The following PARD3 variants were observed in gnomAD, a reference collection of about 807,000 sequenced individuals.
PARD3 encodes the protein partitioning defective 3 homolog.
In PARD3, 75 loss-of-function variants were observed where a neutral mutation model predicts 155.4. The observed-to-expected ratio is 0.48, with a 90% CI of 0.40 to 0.58. PARD3 has a LOEUF of 0.58. PARD3 is among the 20% of genes least tolerant of loss of function. The pLI, the probability that PARD3 is intolerant of heterozygous loss-of-function variation, is 0.00. For missense variants in PARD3, 1,642 were observed against 1,721.7 expected (o/e 0.95, Z 0.82); for synonymous variants, 576 against 610.5 (o/e 0.94, Z 0.83).
intron 22 of PARD3, among the ~76,000 whole-genome samples, chr10:34,216,034 C>T (rs1951987312): frequency 6.6e-6 from 1 of 152,114 alleles, no homozygotes; most frequent in Admixed American, 6.6e-5. Flanking sequence ...AAGAGAGTAG[C>T]TGACTGAATC....
At chr10:34,725,105 T>TTGTGTGTGTGTGTGTGTG (rs71033342) in intron 1 of PARD3, among the ~76,000 whole-genome samples, 2 of 135,882 alleles carry the variant, frequency 1.5e-5, no homozygotes, top group African/African-American at 5.6e-5. Flanking sequence ...AGTCAAAACT[T>TTGTGTGTGTGTGTGTGTG]TGTGTGTGTG....
At chr10:34,523,778 C>A (rs895562732) in intron 2 of PARD3, among the ~76,000 whole-genome samples, 1 of 152,144 alleles carries the variant, frequency 6.6e-6, no homozygotes, top group Non-Finnish European at 1.5e-5. Context: ...GTTGGAGATA[C>A]ATGCATTTTT....
chr10:34,680,840 G>T (rs535068797), intron 2 of PARD3, among the ~76,000 whole-genome samples: 1 of 119,184 alleles, frequency 8.4e-6, no homozygotes, highest in Admixed American at 9.2e-5. Flanking sequence ...GTGGTGGGGT[G>T]GGGGGAGGGG....
intron 22 of PARD3, among the ~76,000 whole-genome samples, chr10:34,164,733 T>G (rs1949441694): frequency 6.6e-6 from 1 of 152,228 alleles, no homozygotes; most frequent in South Asian, 2.1e-4. Flanking sequence ...CTGAATTGTA[T>G]GTAAAGTTGT....
intron 22 of PARD3, among the ~76,000 whole-genome samples, chr10:34,200,422 G>C (rs1588727592): frequency 6.6e-6 from 1 of 152,154 alleles, no homozygotes; most frequent in African/African-American, 2.4e-5. Flanking sequence ...GCCAAAGACT[G>C]AAGAGTTAAC....
At chr10:34,773,618 G>A (rs974644520) in intron 1 of PARD3, among the ~76,000 whole-genome samples, 13 of 152,150 alleles carry the variant, frequency 8.5e-5, no homozygotes, top group East Asian at 7.7e-4. Flanking sequence ...ACTTTGCAGC[G>A]TCAGGTATGT....
chr10:34,470,081 T>A lies in PARD3; in HGVS notation c.582+4A>T. The A allele has an allele frequency of 6.3e-7, 1 of 1,588,926 alleles. No homozygotes were observed. Among genetic ancestry groups the A allele is most frequent in the Non-Finnish European group, 8.6e-7 (1 of 1,166,906 alleles). The stretch of plus-strand genomic sequence containing the variant: ...GACAGCAGCAAACAAGCAGAGGTGG[T>A]TACCTTCCTGTCGCAGGTTTTAGGA... On this transcript the variant is annotated splice_donor_region_variant and intron_variant, in intron 4 of 24. Coordinates refer to ENST00000374788, the MANE Select transcript of PARD3 (RefSeq NM_001184785.2).
At chr10:34,114,981 A>G (rs1231170203) in intron 24 of PARD3, among the ~76,000 whole-genome samples, 1 of 151,738 alleles carries the variant, frequency 6.6e-6, no homozygotes, top group Non-Finnish European at 1.5e-5. Flanking sequence ...GGCAATAACT[A>G]TCACCTAAAG....
chr10:34,156,557 A>T (rs1038129078), intron 22 of PARD3, among the ~76,000 whole-genome samples: 2 of 152,222 alleles, frequency 1.3e-5, no homozygotes, highest in Non-Finnish European at 1.5e-5. Flanking sequence ...AGGAGGTAAG[A>T]ACTTAAAAGG....
chr10:34,168,027 G>T (rs758973833), intron 22 of PARD3, among the ~76,000 whole-genome samples: 1 of 150,910 alleles, frequency 6.6e-6, no homozygotes, highest in Admixed American at 6.6e-5. Context: ...AGCAAAGGTC[G>T]TGTCATAGTA....
chr10:34,657,749 A>G (rs1170139865), intron 2 of PARD3, among the ~76,000 whole-genome samples: 1 of 151,870 alleles, frequency 6.6e-6, no homozygotes, highest in African/African-American at 2.4e-5. Context: ...ATGTTGGCCA[A>G]GCTGGTCTCA....
chr10:34,796,089 T>C (rs534387783), intron 1 of PARD3, among the ~76,000 whole-genome samples: 2 of 152,292 alleles, frequency 1.3e-5, no homozygotes, highest in East Asian at 3.9e-4. Context: ...TAAATTCCCA[T>C]GCTAATCTAA....
At chr10:34,527,494 TG>T (rs1460760334) in intron 2 of PARD3, among the ~76,000 whole-genome samples, 1 of 151,656 alleles carries the variant, frequency 6.6e-6, no homozygotes, top group Non-Finnish European at 1.5e-5. Context: ...TGGGCTGGAG[TG>T]GGGAGGGTAG....
chr10:34,174,131 G>A (rs565894829), intron 22 of PARD3, among the ~76,000 whole-genome samples: 7 of 152,282 alleles, frequency 4.6e-5, no homozygotes, highest in Admixed American at 3.3e-4. Flanking sequence ...TGCTTCATTA[G>A]GAAAATGTAC....
chr10:34,779,939 A>C (rs1840055665), intron 1 of PARD3, among the ~76,000 whole-genome samples: 1 of 152,216 alleles, frequency 6.6e-6, no homozygotes, highest in Non-Finnish European at 1.5e-5. Context: ...TTCTAGCTGT[A>C]GATCTAAATG....
At chr10:34,694,814 T>G (rs1156318442) in intron 2 of PARD3, among the ~76,000 whole-genome samples, 4 of 152,186 alleles carry the variant, frequency 2.6e-5, no homozygotes, top group Non-Finnish European at 5.9e-5. Context: ...ATTTTTTGTC[T>G]TACTTGAAAT....
intron 2 of PARD3, among the ~76,000 whole-genome samples, chr10:34,542,583 C>T (rs2083721700): frequency 2.0e-5 from 3 of 152,160 alleles, no homozygotes; most frequent in Admixed American, 2.0e-4. Flanking sequence ...CTGGTGATCA[C>T]TCCTGTAGAA....
intron 2 of PARD3, among the ~76,000 whole-genome samples, chr10:34,545,856 C>T (rs1441226723): frequency 6.6e-6 from 1 of 152,160 alleles, no homozygotes; most frequent in African/African-American, 2.4e-5. Flanking sequence ...CTGCACCTGG[C>T]CTTTATAACC....
intron 12 of PARD3, among the ~76,000 whole-genome samples, chr10:34,370,902 T>C (rs1431847532): frequency 1.3e-5 from 2 of 151,774 alleles, no homozygotes; most frequent in African/African-American, 4.8e-5. Flanking sequence ...TTTTGAGATA[T>C]GGTGAGAAAA....
Sources: gnomAD v4.1 joint callset for allele counts (sites outside exome capture counted in the v4.1 genomes callset) on GRCh38, gnomAD v4.1.1 for gene constraint, MANE v1.5 for transcripts, NCBI Gene and HGNC (gene_info 2026-07-23, HGNC 2026-07-21) for gene names.